Variants in TMEM117 observed in about 807,000 individuals in gnomAD.
TMEM117 encodes transmembrane protein 117.
In TMEM117, 27 loss-of-function variants were observed where a neutral mutation model predicts 52.4. The observed-to-expected ratio is 0.51, with a 90% CI of 0.38 to 0.71. The LOEUF (loss-of-function observed/expected upper bound fraction) is 0.71, where lower values mean the gene tolerates loss of function less well. Ranked by LOEUF, TMEM117 falls within the 30% of genes least tolerant of loss-of-function variation. The pLI is 0.00. For synonymous variants in TMEM117, 215 were observed against 206.3 expected, an observed-to-expected ratio of 1.04 and a Z score of -0.36; for missense variants, 556 against 630.5, an observed-to-expected ratio of 0.88 and a Z score of 1.26.
intron 5 of TMEM117, among the ~76,000 whole-genome samples, chr12:44,241,532 C>A (rs113671864): frequency 0.031 from 4,643 of 151,948 alleles, 107 homozygotes; most frequent in Admixed American, 0.044. Context: ...ATCTATCAAC[C>A]TTTCTGTTGA....
chr12:44,281,378 T>C (rs1364957211), intron 5 of TMEM117, among the ~76,000 whole-genome samples: 23 of 152,194 alleles, frequency 1.5e-4, no homozygotes, highest in Non-Finnish European at 5.9e-5. Flanking sequence ...TGGGGCGTTA[T>C]CAAAATATGT....
upstream of TMEM117, among the ~76,000 whole-genome samples, chr12:43,831,540 C>T (rs1942982374): frequency 6.9e-6 from 1 of 144,320 alleles, no homozygotes; most frequent in African/African-American, 2.7e-5. Context: ...CATGTGGTTA[C>T]TTCTGATTTT....
intron 4 of TMEM117, among the ~76,000 whole-genome samples, chr12:44,197,364 G>C (rs1430579426): frequency 6.6e-6 from 1 of 151,982 alleles, no homozygotes; most frequent in Non-Finnish European, 1.5e-5. Flanking sequence ...CTCTAGTAAT[G>C]ATCAGTTATC....
intron 3 of TMEM117, among the ~76,000 whole-genome samples, chr12:44,040,245 AATT>A (rs993997846): frequency 6.6e-6 from 1 of 152,054 alleles, no homozygotes; most frequent in Admixed American, 6.6e-5. Flanking sequence ...ATGTAATAAT[AATT>A]ATTAGTAATT....
At chr12:43,898,868 C>G (rs1944258241) in intron 2 of TMEM117, among the ~76,000 whole-genome samples, 1 of 152,156 alleles carries the variant, frequency 6.6e-6, no homozygotes, top group African/African-American at 2.4e-5. Context: ...AAAGTGGCCC[C>G]ATAAGTTGTT....
chr12:44,341,580 T>G (rs1460133762), intron 6 of TMEM117, among the ~76,000 whole-genome samples: 2 of 152,122 alleles, frequency 1.3e-5, no homozygotes, highest in Admixed American at 1.3e-4. Context: ...CATGGGAATG[T>G]AGGGTTGGTG....
chr12:43,922,184 CTCTCTG>C (rs970191884), intron 2 of TMEM117, among the ~76,000 whole-genome samples: 1 of 152,086 alleles, frequency 6.6e-6, no homozygotes, highest in African/African-American at 2.4e-5. Flanking sequence ...GTCTCTGCTT[CTCTCTG>C]TCTCTGTCTC....
At chr12:44,360,241 G>C (rs1401365744) in intron 6 of TMEM117, among the ~76,000 whole-genome samples, 1 of 152,098 alleles carries the variant, frequency 6.6e-6, no homozygotes, top group African/African-American at 2.4e-5. Context: ...TGTTTTTGGT[G>C]ACAGGTTGTT....
At chr12:43,825,810 T>A in the TMEM117 span, among the ~76,000 whole-genome samples, 1 of 152,160 alleles carries the variant, frequency 6.6e-6, no homozygotes, top group Non-Finnish European at 1.5e-5. Context: ...ATTTGTTTGT[T>A]AACACCCACC....
intron 3 of TMEM117, among the ~76,000 whole-genome samples, chr12:44,029,261 CCTT>C (rs1946593395): frequency 6.6e-6 from 1 of 152,110 alleles, no homozygotes; most frequent in African/African-American, 2.4e-5. Flanking sequence ...TTGGTAGAGT[CCTT>C]CTCGTTTAAG....
At chr12:44,301,822 C>G (rs1284761938) in intron 6 of TMEM117, among the ~76,000 whole-genome samples, 4 of 152,096 alleles carry the variant, frequency 2.6e-5, no homozygotes, top group Non-Finnish European at 5.9e-5. Flanking sequence ...AGCTGTCAGG[C>G]CTGATTCCAG....
intron 4 of TMEM117, among the ~76,000 whole-genome samples, chr12:44,152,142 T>C (rs1471869421): frequency 1.8e-5 from 2 of 111,984 alleles, no homozygotes; most frequent in Admixed American, 2.3e-4. Context: ...TTATATTATT[T>C]ATATATTTAT....
chr12:44,391,443 G>A (rs551236410), downstream of TMEM117, among the ~76,000 whole-genome samples: 281 of 152,144 alleles, frequency 1.8e-3, no homozygotes, highest in African/African-American at 6.6e-3. Context: ...TCTGCCCTAA[G>A]AGTCAACCAG....
At chr12:44,035,794 G>T (rs1377970027) in intron 3 of TMEM117, among the ~76,000 whole-genome samples, 1 of 152,118 alleles carries the variant, frequency 6.6e-6, no homozygotes, top group East Asian at 1.9e-4. Context: ...TTGATGTGAG[G>T]TTACACCAGG....
intron 4 of TMEM117, among the ~76,000 whole-genome samples, chr12:44,184,864 A>G (rs1565566078): frequency 6.6e-6 from 1 of 152,224 alleles, no homozygotes. Flanking sequence ...TGTTCCAGGA[A>G]CAATAGAAAA....
chr12:43,821,096 C>A, the TMEM117 span, among the ~76,000 whole-genome samples: 18,442 of 130,656 alleles, frequency 0.14, 1,387 homozygotes, highest in Middle Eastern at 0.25. Context: ...CTCCCTCTCA[C>A]ATTAAAAAAA....
At chr12:44,284,324 C>CA (rs990156085) in intron 5 of TMEM117, among the ~76,000 whole-genome samples, 14 of 151,860 alleles carry the variant, frequency 9.2e-5, no homozygotes, top group Admixed American at 3.3e-4. Flanking sequence ...AAAAAAACAA[C>CA]AAAAAAAGTG....
chr12:44,017,326 C>CTTTTTTTTT (rs79007657), intron 3 of TMEM117, among the ~76,000 whole-genome samples: 1 of 97,126 alleles, frequency 1.0e-5, no homozygotes. Flanking sequence ...TCTTTCTTTC[C>CTTTTTTTTT]TTTTTTTTTT....
chr12:44,035,282 C>T (rs751021355), intron 3 of TMEM117, among the ~76,000 whole-genome samples: 10 of 152,078 alleles, frequency 6.6e-5, no homozygotes, highest in African/African-American at 9.7e-5. Flanking sequence ...TGGATGGTCT[C>T]GTTTTTCTCA....
Sources: gnomAD v4.1 joint callset for allele counts (sites outside exome capture counted in the v4.1 genomes callset) on GRCh38, gnomAD v4.1.1 for gene constraint, MANE v1.5 for transcripts, NCBI Gene and HGNC (gene_info 2026-07-23, HGNC 2026-07-21) for gene names.